The following CNTN6 variants were observed in gnomAD, a reference collection of about 807,000 sequenced individuals.
CNTN6 encodes contactin 6.
In CNTN6, 137 loss-of-function variants were observed where a neutral mutation model predicts 122.8. The ratio of observed to expected loss-of-function variants is 1.12; its 90% CI spans 0.97 to 1.29. The LOEUF is 1.29. Among genes scored for constraint, CNTN6 ranks in the 50% most tolerant of loss-of-function variants. The pLI is 0.00. For missense variants in CNTN6, 1,634 were observed against 1,223.4 expected, an observed-to-expected ratio of 1.34 and a Z score of -5.01; for synonymous variants, 570 against 426.0, an observed-to-expected ratio of 1.34 and a Z score of -4.16.
intron 3 of CNTN6, 133 bp downstream of exon 3, chr3:1,220,946 G>C: frequency 1.1e-6 from 1 of 925,876 alleles, no homozygotes; most frequent in East Asian, 2.7e-5. Context: ...CGGGTATGCA[G>C]CCATGTGACA....
At chr3:1,363,320 A>T (rs1022910273) in intron 12 of CNTN6, among the ~76,000 whole-genome samples, 5 of 152,042 alleles carry the variant, frequency 3.3e-5, no homozygotes, top group African/African-American at 9.6e-5. Flanking sequence ...AGATATATAT[A>T]TACACAGATA....
Position 1,384,812 on chromosome 3 carries a change from CAT to C in CNTN6, c.2518-781_2518-780del, listed in dbSNP as rs60437325. On this transcript the variant is annotated intron_variant, in intron 19 of 22. Coordinates refer to ENST00000446702, the MANE Select transcript of CNTN6 (RefSeq NM_001289080.2). The stretch of plus-strand genomic sequence containing the variant: ...ATATATATATACACACACACACACA[CAT>C]ATATATATATATATATAACCATAAT... Among the ~76,000 whole-genome samples the C allele has an allele frequency of 1.4e-3, 163 of 118,450 alleles. 2 individuals carry two copies. The highest frequency in any genetic ancestry group is 4.1e-3 in the African/African-American group (127 of 30,822). The allele number at this position is 118,450 out of a possible 152,430, so 77.7% of individuals were successfully genotyped here. A position where few individuals can be genotyped will look rare whatever the true frequency, so the allele number is the denominator to read the frequency against.
chr3:1,395,187 T>G lies in CNTN6; in HGVS notation c.2705-6246T>G, dbSNP rs538924434. ...TTAAATACCTATCCAACCTCTCATT[T>G]TATTACTTTGACATTCTACATCACA... On this transcript the variant is annotated intron_variant, in intron 20 of 22. Transcript: ENST00000446702. 1.2e-4 allele frequency among the ~76,000 whole-genome samples: 19 copies of G among 152,326 alleles called. 2 individuals are homozygous for G. In the South Asian group the frequency reaches 3.1e-3, roughly 25 times the overall value.
chr3:1,281,258 G>T (rs1320729913), intron 5 of CNTN6, among the ~76,000 whole-genome samples: 2 of 151,996 alleles, frequency 1.3e-5, no homozygotes, highest in Non-Finnish European at 2.9e-5. Context: ...CTCCCTAAAG[G>T]CTCCATATTT....
intron 2 of CNTN6, among the ~76,000 whole-genome samples, chr3:1,148,753 G>A (rs1043670018): frequency 6.6e-6 from 1 of 152,124 alleles, no homozygotes; most frequent in Non-Finnish European, 1.5e-5. Context: ...AACTTACGAT[G>A]GGCTCAAATG....
intron 1 of CNTN6, among the ~76,000 whole-genome samples, chr3:1,128,553 C>T (rs1289522396): frequency 6.6e-5 from 10 of 151,944 alleles, no homozygotes; most frequent in Non-Finnish European, 1.5e-4. Flanking sequence ...GGTACCTGCA[C>T]CAACACTTAA....
chr3:1,376,933 A>G, intron 16 of CNTN6, 72 bp from the exon 17 acceptor site: 2 of 1,080,646 alleles, frequency 1.9e-6, no homozygotes, highest in Non-Finnish European at 2.8e-6. Context: ...AGTGAAATTC[A>G]AAAACAAAAT....
chr3:1,242,429 G>A (rs563827184), intron 4 of CNTN6, among the ~76,000 whole-genome samples: 24 of 152,202 alleles, frequency 1.6e-4, no homozygotes, highest in African/African-American at 2.6e-4. Flanking sequence ...AGACTTGTCC[G>A]GTTTTTGGAC....
chr3:1,361,493 C>T (rs1215927681), intron 12 of CNTN6, among the ~76,000 whole-genome samples: 8 of 152,044 alleles, frequency 5.3e-5, no homozygotes, highest in Admixed American at 1.3e-4. Context: ...ATTGAATAAA[C>T]AATTAGTACA....
intron 7 of CNTN6, among the ~76,000 whole-genome samples, chr3:1,313,844 G>A (rs1419059094): frequency 2.0e-5 from 3 of 152,078 alleles, no homozygotes; most frequent in Admixed American, 2.0e-4. Flanking sequence ...TGTTTGGTGA[G>A]ATGTCTGGTG....
intron 19 of CNTN6, among the ~76,000 whole-genome samples, chr3:1,384,687 T>C (rs3915437): frequency 0.64 from 69,814 of 109,904 alleles, 19,216 homozygotes; most frequent in East Asian, 0.82. Flanking sequence ...TATATATATA[T>C]ACACACACAC....
intron 12 of CNTN6, among the ~76,000 whole-genome samples, chr3:1,360,448 C>T (rs915081964): frequency 1.3e-5 from 2 of 151,734 alleles, no homozygotes; most frequent in African/African-American, 4.8e-5. Context: ...TATTTTATTC[C>T]ATTCCTTCTC....
chr3:1,122,211 A>G (rs751180795), intron 1 of CNTN6, among the ~76,000 whole-genome samples: 8 of 151,888 alleles, frequency 5.3e-5, no homozygotes, highest in African/African-American at 1.9e-4. Context: ...GTGCATATCC[A>G]GATATACCAC....
chr3:1,383,473 C>G, intron 19 of CNTN6, 65 bp downstream of exon 19: 1 of 1,157,578 alleles, frequency 8.6e-7, no homozygotes, highest in Non-Finnish European at 1.3e-6. Context: ...AGCTCCTATT[C>G]AACAGTCCTA....
chr3:1,190,334 C>A (rs1364880651), intron 2 of CNTN6, among the ~76,000 whole-genome samples: 1 of 152,202 alleles, frequency 6.6e-6, no homozygotes, highest in Non-Finnish European at 1.5e-5. Context: ...TCAACAAATA[C>A]ATTTTAAGAG....
At chr3:1,293,521 C>T (rs1246895799) in intron 5 of CNTN6, among the ~76,000 whole-genome samples, 2 of 152,090 alleles carry the variant, frequency 1.3e-5, no homozygotes, top group Admixed American at 6.5e-5. Flanking sequence ...GGAAGCCTAC[C>T]GGAACATATC....
rs747753508 is a variant in CNTN6 at position 1,135,386 on chromosome 3, A to C, written c.-82-12541A>C. Among the ~76,000 whole-genome samples, 2 of 152,102 alleles carry C rather than the reference A, an allele frequency of 1.3e-5. 1 individual carries two copies. Among genetic ancestry groups the C allele is most frequent in the South Asian group, 4.1e-4 (2 of 4,832 alleles). ...TGATGGAAGAGAAGGCAAAAGGTCC[A>C]ATTGTCCAGGGGCTGGGTGGGGACC... On this transcript the variant is annotated intron_variant, in intron 1 of 22. Coordinates refer to ENST00000446702, the MANE Select transcript of CNTN6 (RefSeq NM_001289080.2).
intron 2 of CNTN6, among the ~76,000 whole-genome samples, chr3:1,154,088 A>G (rs755960922): frequency 6.6e-6 from 1 of 152,240 alleles, no homozygotes; most frequent in Non-Finnish European, 1.5e-5. Context: ...TTTTCATGCA[A>G]TGCTTACTGA....
intron 20 of CNTN6, among the ~76,000 whole-genome samples, chr3:1,388,788 T>C (rs372308575): frequency 2.1e-4 from 31 of 149,472 alleles, no homozygotes; most frequent in African/African-American, 3.2e-4. Flanking sequence ...GGAGCCGATG[T>C]GATCAACTGG....
Sources: allele counts gnomAD v4.1 joint callset (sites outside exome capture counted in the v4.1 genomes callset), GRCh38; gene constraint gnomAD v4.1.1; transcripts MANE v1.5; gene names NCBI Gene and HGNC (gene_info 2026-07-23, HGNC 2026-07-21).